Variants in PLPPR5 observed in about 807,000 individuals in gnomAD.
PLPPR5 encodes the protein phospholipid phosphatase related 5.
A neutral mutation model predicts 33.9 loss-of-function variants in PLPPR5; 16 were observed. The observed-to-expected ratio is 0.47, with a 90% confidence interval of 0.32 to 0.72. PLPPR5 has a LOEUF of 0.72. PLPPR5 is among the 30% of genes least tolerant of loss of function. PLPPR5 has a pLI of 0.03. For synonymous variants in PLPPR5, 163 were observed against 150.3 expected, an observed-to-expected ratio of 1.08 and a Z score of -0.62; for missense variants, 301 against 406.7, an observed-to-expected ratio of 0.74 and a Z score of 2.23.
intron 1 of PLPPR5, among the ~76,000 whole-genome samples, chr1:98,980,784 T>A (rs573329848): frequency 6.6e-6 from 1 of 152,052 alleles, no homozygotes; most frequent in East Asian, 1.9e-4. Context: ...GGTGAATTAA[T>A]TATAGAAGCA....
chr1:98,925,367 T>C (rs1649714085), intron 3 of PLPPR5, among the ~76,000 whole-genome samples: 1 of 152,204 alleles, frequency 6.6e-6, no homozygotes, highest in Admixed American at 6.5e-5. Context: ...TTAATCATTA[T>C]TAGCAGAGCT....
chr1:98,928,548 C>T (rs1570705705), intron 3 of PLPPR5, among the ~76,000 whole-genome samples: 16 of 73,878 alleles, frequency 2.2e-4, no homozygotes, highest in East Asian at 7.5e-4. Context: ...AGTTTTAAAT[C>T]ATATATATAT....
rs1650855872 is a variant in PLPPR5, at chr1:98,953,267, C to G, written c.424G>C (p.Val142Leu). 6.2e-7 allele frequency: 1 copy of G among 1,613,666 alleles called. No individual in the cohort carries two copies. Among genetic ancestry groups the G allele is most frequent in the African/African-American group, 1.3e-5 (1 of 74,776 alleles). The change falls in exon 3 of 6, where the codon GTA becomes CTA. Residue 142 changes from valine (V) to leucine (L), a missense_variant. Coordinates refer to ENST00000263177, the MANE Select transcript of PLPPR5 (RefSeq NM_001037317.2). Reference protein sequence around the residue: ...ATDIFVNAGQVVTGNLAPHFL... With the variant: ...ATDIFVNAGQLVTGNLAPHFL... Reference sequence around the variant, plus strand: ...TGTGGGGCCAGATTTCCTGTGACTACTTGTCCAGCATTTACAAAGATATCT... The same window carrying G: ...TGTGGGGCCAGATTTCCTGTGACTAGTTGTCCAGCATTTACAAAGATATCT...
chr1:98,946,958 G>A (rs1014228724), intron 3 of PLPPR5, among the ~76,000 whole-genome samples: 2 of 151,952 alleles, frequency 1.3e-5, no homozygotes, highest in South Asian at 4.2e-4. Context: ...TATTTATGGT[G>A]GAAGGGGCCC....
At chr1:98,923,005 A>AAC (rs1649628219) in intron 3 of PLPPR5, among the ~76,000 whole-genome samples, 1 of 151,770 alleles carries the variant, frequency 6.6e-6, no homozygotes, top group Non-Finnish European at 1.5e-5. Context: ...ACAACAACAA[A>AAC]AAAAAACCAT....
At chr1:98,991,891 T>C (rs114036722) in intron 1 of PLPPR5, among the ~76,000 whole-genome samples, 3,210 of 152,272 alleles carry the variant, frequency 0.021, 46 homozygotes, top group African/African-American at 0.035. Flanking sequence ...CAAGGGCTTA[T>C]AGCTAGTAAG....
intron 1 of PLPPR5, among the ~76,000 whole-genome samples, chr1:98,990,440 T>C (rs997357417): frequency 6.6e-6 from 1 of 151,962 alleles, no homozygotes; most frequent in Non-Finnish European, 1.5e-5. Flanking sequence ...AATGCTTAAG[T>C]AGTGAAAATT....
At chr1:98,989,171 A>G (rs899212456) in intron 1 of PLPPR5, among the ~76,000 whole-genome samples, 5 of 152,102 alleles carry the variant, frequency 3.3e-5, no homozygotes, top group African/African-American at 1.2e-4. Context: ...GTTAATAAAC[A>G]GCCTATTTGG....
chr1:98,921,094 A>G (rs944606915), intron 4 of PLPPR5, among the ~76,000 whole-genome samples: 5 of 152,222 alleles, frequency 3.3e-5, no homozygotes, highest in African/African-American at 1.2e-4. Flanking sequence ...TTAGAAATGC[A>G]TACAAACCCT....
At chr1:98,898,874 C>G (rs1211133955) in intron 5 of PLPPR5, among the ~76,000 whole-genome samples, 2 of 152,102 alleles carry the variant, frequency 1.3e-5, no homozygotes, top group Non-Finnish European at 2.9e-5. Context: ...GAGCTAACAG[C>G]TACCTTCTAA....
intron 1 of PLPPR5, among the ~76,000 whole-genome samples, chr1:98,976,404 A>G (rs1043621463): frequency 2.6e-5 from 4 of 152,122 alleles, no homozygotes; most frequent in African/African-American, 9.7e-5. Flanking sequence ...CTGTAAACCA[A>G]GCATTTGAGA....
chr1:98,973,472 T>G (rs767773667), intron 1 of PLPPR5, among the ~76,000 whole-genome samples: 2 of 151,700 alleles, frequency 1.3e-5, no homozygotes, highest in African/African-American at 4.8e-5. Flanking sequence ...GTTATGTTGA[T>G]CACAAGCAAA....
intron 1 of PLPPR5, among the ~76,000 whole-genome samples, chr1:98,988,520 A>G (rs1028470657): frequency 3.9e-5 from 6 of 152,112 alleles, no homozygotes; most frequent in African/African-American, 4.8e-5. Context: ...ATATTGGGCT[A>G]CAACTCTCTA....
At chr1:98,970,272 T>C (rs1428908687) in intron 1 of PLPPR5, among the ~76,000 whole-genome samples, 1 of 152,050 alleles carries the variant, frequency 6.6e-6, no homozygotes, top group Non-Finnish European at 1.5e-5. Flanking sequence ...TGAATGAGTC[T>C]TGGAACATAA....
intron 1 of PLPPR5, among the ~76,000 whole-genome samples, chr1:98,957,962 A>C (rs1190318468): frequency 6.6e-6 from 1 of 152,218 alleles, no homozygotes; most frequent in Non-Finnish European, 1.5e-5. Context: ...TACAGGAAGT[A>C]TTAATATTCC....
At chr1:98,960,645 A>C (rs1002988988) in intron 1 of PLPPR5, among the ~76,000 whole-genome samples, 1 of 152,208 alleles carries the variant, frequency 6.6e-6, no homozygotes, top group Non-Finnish European at 1.5e-5. Flanking sequence ...GGGTAGACAC[A>C]AGCAAATTGA....
chr1:98,944,630 C>T (rs1057138642), intron 3 of PLPPR5, among the ~76,000 whole-genome samples: 1 of 152,190 alleles, frequency 6.6e-6, no homozygotes, highest in Non-Finnish European at 1.5e-5. Flanking sequence ...ATGCTATACC[C>T]AGTTTGTGAT....
chr1:98,935,644 A>C (rs1431528186), intron 3 of PLPPR5, among the ~76,000 whole-genome samples: 2 of 152,210 alleles, frequency 1.3e-5, no homozygotes, highest in Admixed American at 1.3e-4. Context: ...ACTGTAAGTA[A>C]GTTAAACTTA....
intron 3 of PLPPR5, among the ~76,000 whole-genome samples, chr1:98,922,380 T>C (rs532741788): frequency 6.6e-6 from 1 of 152,346 alleles, no homozygotes; most frequent in East Asian, 1.9e-4. Flanking sequence ...GTATCCATTC[T>C]TGTTTTATCT....
Sources: gnomAD v4.1 joint callset for allele counts (sites outside exome capture counted in the v4.1 genomes callset) on GRCh38, gnomAD v4.1.1 for gene constraint, MANE v1.5 for transcripts, NCBI Gene and HGNC (gene_info 2026-07-23, HGNC 2026-07-21) for gene names.